KCNT1: variants seen among roughly 807,000 people sequenced by gnomAD.
KCNT1 encodes potassium sodium-activated channel subfamily T member 1, also known as potassium channel subfamily T member 1.
In KCNT1, 78 loss-of-function variants were observed where a neutral mutation model predicts 147.8. That is an observed-to-expected ratio of 0.53 (90% CI 0.44 to 0.64). KCNT1 has a LOEUF of 0.64. Ranked by LOEUF, KCNT1 falls within the 30% of genes least tolerant of loss-of-function variation. The pLI, the probability that KCNT1 is intolerant of heterozygous loss-of-function variation, is 0.00. For synonymous variants in KCNT1, 867 were observed against 748.8 expected, an observed-to-expected ratio of 1.16 and a Z score of -2.58; for missense variants, 1,419 against 1,750.3, an observed-to-expected ratio of 0.81 and a Z score of 3.38.
At chr9:135,788,591 C>G (rs1834250511) in intron 29 of KCNT1, among the ~76,000 whole-genome samples, 1 of 152,226 alleles carries the variant, frequency 6.6e-6, no homozygotes, top group African/African-American at 2.4e-5. Context: ...CAGGAAGCAC[C>G]CAGAGGGTCC....
chr9:135,770,510 A>C (rs1391792474), intron 17 of KCNT1, 63 bp downstream of exon 17: 2 of 1,535,990 alleles, frequency 1.3e-6, no homozygotes, highest in East Asian at 2.3e-5. Context: ...TGCCCTCCCC[A>C]CCCTCCCGGT....
intron 21 of KCNT1, among the ~76,000 whole-genome samples, 156 bp downstream of exon 21, chr9:135,777,666 C>A (rs1323479291): frequency 6.6e-6 from 1 of 152,050 alleles, no homozygotes; most frequent in Non-Finnish European, 1.5e-5. Flanking sequence ...AAGGGGGACT[C>A]TCCTTCCTGC....
At chr9:135,753,669 G>A (rs778580110) in intron 4 of KCNT1, 4 of 563,420 alleles carry the variant, frequency 7.1e-6, no homozygotes, top group African/African-American at 1.9e-5. Context: ...GCAGATGTGG[G>A]ATGTACCCTC....
At chr9:135,777,611 A>C in intron 21 of KCNT1, 101 bp downstream of exon 21, 1 of 1,126,624 alleles carries the variant, frequency 8.9e-7, no homozygotes, top group Non-Finnish European at 1.3e-6. Context: ...TGCAGAGGGC[A>C]CGGGAACATG....
chr9:135,792,870 G>A lies in KCNT1; in HGVS notation c.*709G>A, dbSNP rs997996298. On this transcript the variant is annotated 3_prime_UTR_variant, in exon 31 of 31. Transcript: ENST00000371757. ...TGAACTGTCCCAGCCACTGCATCTAGGGGGCATTGGGCGGAAGATGGTGCA... is the reference window on the plus strand; with the variant it reads ...TGAACTGTCCCAGCCACTGCATCTAAGGGGCATTGGGCGGAAGATGGTGCA... 1 of 152,202 alleles carries A rather than the reference G, an allele frequency of 6.6e-6. No homozygotes were observed. The highest frequency in any genetic ancestry group is 2.4e-5 in the African/African-American group (1 of 41,428). The allele number at this position is 152,202 out of a possible 1,614,324, so 9.4% of individuals were successfully genotyped here.
At chr9:135,764,896 A>C in intron 11 of KCNT1, 135 bp from the exon 12 acceptor site, 3 of 782,856 alleles carry the variant, frequency 3.8e-6, no homozygotes, top group Non-Finnish European at 2.0e-6. Context: ...AGGCCCCCCT[A>C]ATGTAGGTGT....
chr9:135,783,739 C>A lies in KCNT1; in HGVS notation c.2842-285C>A, dbSNP rs192089223. Reference sequence around the variant, plus strand: ...AGGGCGCTTGACCAAGCGCAGTGCCCATGGCAGCCGCCGGGAGTCCACCTT... The same window carrying A: ...AGGGCGCTTGACCAAGCGCAGTGCCAATGGCAGCCGCCGGGAGTCCACCTT... On this transcript the variant is annotated intron_variant, in intron 24 of 30. Coordinates refer to ENST00000371757, the MANE Select transcript of KCNT1 (RefSeq NM_020822.3). Among the ~76,000 whole-genome samples the A allele has an allele frequency of 8.0e-4, 122 of 152,362 alleles. 1 individual carries two copies. In the South Asian group the frequency reaches 0.013, roughly 16 times the overall value.
rs112973553 is a variant in KCNT1, at chr9:135,792,184, G to T, written c.*23G>T. 326 of 1,598,454 alleles carry T rather than the reference G, an allele frequency of 2.0e-4. 4 individuals are homozygous for T. The African/African-American group carries it at 2.9e-3, about 14-fold the overall frequency. ...TGAGCCAGCCCTGCACGGAGCTCAG[G>T]CCACCAAGCCCGGGGTCCTCAGGAA... On this transcript the variant is annotated 3_prime_UTR_variant, in exon 31 of 31. Transcript: ENST00000371757.
At chr9:135,787,972 G>A (rs1007433891) in intron 29 of KCNT1, 13 of 723,398 alleles carry the variant, frequency 1.8e-5, no homozygotes, top group Non-Finnish European at 2.5e-5. Context: ...TGACCGACTC[G>A]CTTCTGGTGG....
rs778277695 is a variant in KCNT1, at chr9:135,771,037, G to T, written c.1950G>T (p.Gly650=). The change falls in exon 18 of 31, where the codon GGG becomes GGT. Residue 650 remains glycine, a synonymous_variant. Coordinates refer to ENST00000371757, the MANE Select transcript of KCNT1 (RefSeq NM_020822.3). ...AGCGGAAGAAGAGGGCCTTCTCGGG[G>T]CAGGGGCTGCACGAGGGTCCGGCCC... The part of the protein sequence containing the change: ...EEKRKKRAFS[G]QGLHEGPARL... The T allele has an allele frequency of 1.9e-6, 3 of 1,613,000 alleles. No individual in the cohort carries two copies. Among genetic ancestry groups the T allele is most frequent in the Non-Finnish European group, 8.5e-7 (1 of 1,179,604 alleles).
chr9:135,750,228 G>T (rs762302837), intron 3 of KCNT1, 51 bp downstream of exon 3: 1 of 1,474,318 alleles, frequency 6.8e-7, no homozygotes, highest in Non-Finnish European at 9.5e-7. Flanking sequence ...TGTTGAGGGC[G>T]CCGGGAGCAA....
chr9:135,748,401 G>C (rs914183136), intron 2 of KCNT1, among the ~76,000 whole-genome samples: 1 of 152,176 alleles, frequency 6.6e-6, no homozygotes, highest in Admixed American at 6.5e-5. Context: ...TGAGCTTTGG[G>C]AAACATCGAA....
At chr9:135,781,190 C>T (rs1833584558) in intron 24 of KCNT1, among the ~76,000 whole-genome samples, 1 of 152,236 alleles carries the variant, frequency 6.6e-6, no homozygotes, top group Admixed American at 6.5e-5. Flanking sequence ...GATTCCGTGG[C>T]AGTTGTGTGA....
intron 18 of KCNT1, among the ~76,000 whole-genome samples, chr9:135,771,731 C>T (rs908477274): frequency 6.6e-6 from 1 of 152,148 alleles, no homozygotes; most frequent in African/African-American, 2.4e-5. Flanking sequence ...CAGGTGGAGG[C>T]CCATGGCCCC....
intron 1 of KCNT1, among the ~76,000 whole-genome samples, chr9:135,706,882 G>A (rs1206660542): frequency 6.6e-6 from 1 of 152,150 alleles, no homozygotes; most frequent in African/African-American, 2.4e-5. Flanking sequence ...CAGGGTACGG[G>A]CCCCTAGATG....
intron 2 of KCNT1, among the ~76,000 whole-genome samples, chr9:135,726,854 C>CCT (rs1836174994): frequency 8.6e-6 from 1 of 116,738 alleles, no homozygotes; most frequent in African/African-American, 3.3e-5. Flanking sequence ...TCTCTCCCTC[C>CCT]CTCTCCCTCT....
chr9:135,743,523 T>C (rs985161084), intron 2 of KCNT1, among the ~76,000 whole-genome samples: 16 of 152,108 alleles, frequency 1.1e-4, no homozygotes, highest in African/African-American at 3.9e-4. Flanking sequence ...TCCTGGAGGC[T>C]GGGAGGCCAG....
chr9:135,770,255 A>G (rs1469362787), intron 16 of KCNT1, 43 bp from the exon 17 acceptor site: 9 of 1,553,418 alleles, frequency 5.8e-6, no homozygotes, highest in Middle Eastern at 1.7e-4. Flanking sequence ...AGGGGCAGCC[A>G]TGGCCGAGGG....
Position 135,792,171 on chromosome 9 carries a change from G to A in KCNT1, c.*10G>A, listed in dbSNP as rs754469973. ...CGAGACACAGCTCTGAGCCAGCCCT[G>A]CACGGAGCTCAGGCCACCAAGCCCG... On this transcript the variant is annotated 3_prime_UTR_variant, in exon 31 of 31. Coordinates refer to ENST00000371757, the MANE Select transcript of KCNT1 (RefSeq NM_020822.3). 6.2e-7 allele frequency: 1 copy of A among 1,602,874 alleles called. No homozygotes were observed. Among genetic ancestry groups the A allele is most frequent in the Admixed American group, 1.7e-5 (1 of 59,758 alleles).
Sources: gnomAD v4.1 joint callset for allele counts (sites outside exome capture counted in the v4.1 genomes callset) on GRCh38, gnomAD v4.1.1 for gene constraint, MANE v1.5 for transcripts, NCBI Gene and HGNC (gene_info 2026-07-23, HGNC 2026-07-21) for gene names.